SLX4IP: variants seen among roughly 807,000 people sequenced by gnomAD.
The protein encoded by SLX4IP is SLX4 interacting protein.
In SLX4IP, 34 loss-of-function variants were observed where a neutral mutation model predicts 32.9. The observed-to-expected ratio is 1.03, with a 90% CI of 0.79 to 1.38. The LOEUF (loss-of-function observed/expected upper bound fraction) is 1.38, where lower values mean the gene tolerates loss of function less well. Ranked by LOEUF, SLX4IP falls within the 40% of genes most tolerant of loss-of-function variation. The probability of loss-of-function intolerance (pLI) is 0.00; values close to 1 mark genes in which losing one functional copy is unlikely to be tolerated. For missense variants in SLX4IP, 444 were observed against 479.0 expected (o/e 0.93, Z 0.68); for synonymous variants, 172 against 171.7 (o/e 1.00, Z -0.01).
intron 3 of SLX4IP, among the ~76,000 whole-genome samples, chr20:10,557,593 C>G (rs2066280467): frequency 6.6e-6 from 1 of 152,196 alleles, no homozygotes; most frequent in Admixed American, 6.5e-5. Flanking sequence ...AATAGTCACC[C>G]AAGGGGACCT....
intron 2 of SLX4IP, among the ~76,000 whole-genome samples, chr20:10,512,676 GTATA>G (rs1012351244): frequency 2.2e-5 from 3 of 137,276 alleles, no homozygotes; most frequent in South Asian, 2.2e-4. Context: ...TATATATTGT[GTATA>G]TATATTTTAT....
chr20:10,482,420 T>C (rs1378509039), intron 2 of SLX4IP, among the ~76,000 whole-genome samples: 9 of 152,242 alleles, frequency 5.9e-5, no homozygotes, highest in African/African-American at 2.2e-4. Context: ...CTTCCCTCTT[T>C]ATCTGAGGCC....
chr20:10,437,712 G>A (rs926313227), intron 1 of SLX4IP, among the ~76,000 whole-genome samples: 2 of 152,196 alleles, frequency 1.3e-5, no homozygotes, highest in African/African-American at 4.8e-5. Context: ...GTTTCATGTG[G>A]TGTTGCCAAT....
At chr20:10,454,680 T>G (rs2065270384) in intron 1 of SLX4IP, among the ~76,000 whole-genome samples, 1 of 152,252 alleles carries the variant, frequency 6.6e-6, no homozygotes, top group Admixed American at 6.5e-5. Context: ...TGTTTCCATT[T>G]TTTGACTATT....
chr20:10,584,087 T>G (rs1029613611), intron 4 of SLX4IP, among the ~76,000 whole-genome samples: 3 of 152,176 alleles, frequency 2.0e-5, no homozygotes, highest in African/African-American at 7.2e-5. Flanking sequence ...TAAGGACTTG[T>G]ATAATAGAAG....
chr20:10,591,155 C>T (rs1402420329), intron 4 of SLX4IP, among the ~76,000 whole-genome samples: 1 of 152,196 alleles, frequency 6.6e-6, no homozygotes, highest in Non-Finnish European at 1.5e-5. Flanking sequence ...TCTTACCCCT[C>T]AGGCATTAAG....
rs148470284 is a variant in SLX4IP, at chr20:10,613,283, G to A, written c.406-8031G>A. 3.2e-4 allele frequency: 215 copies of A among 666,828 alleles called. 1 individual carries two copies. The East Asian group carries it at 5.4e-3, about 17-fold the overall frequency. 41.3% of individuals were successfully genotyped at this position (666,828 alleles called of 1,614,324 possible). On this transcript the variant is annotated intron_variant, in intron 6 of 7. Coordinates refer to ENST00000334534, the MANE Select transcript of SLX4IP (RefSeq NM_001009608.3). ...CTAGGAAATACTAAGATCAGGTTGA[G>A]AGATTCTGCTTGGTCTAGTCAATCT...
chr20:10,621,894 C>G (rs2067115829), intron 7 of SLX4IP, among the ~76,000 whole-genome samples: 1 of 152,146 alleles, frequency 6.6e-6, no homozygotes, highest in Non-Finnish European at 1.5e-5. Flanking sequence ...CATTCACAAA[C>G]CTGTAAATAT....
At chr20:10,566,527 C>T (rs1037461145) in intron 4 of SLX4IP, among the ~76,000 whole-genome samples, 1 of 152,040 alleles carries the variant, frequency 6.6e-6, no homozygotes, top group African/African-American at 2.4e-5. Context: ...CTGAGGTGGT[C>T]ACCTCGCTTT....
At chr20:10,453,627 A>G (rs554466509) in intron 1 of SLX4IP, among the ~76,000 whole-genome samples, 2 of 152,140 alleles carry the variant, frequency 1.3e-5, no homozygotes, top group South Asian at 2.1e-4. Context: ...GTTGGAAACA[A>G]TTTTCTTCAG....
intron 4 of SLX4IP, among the ~76,000 whole-genome samples, chr20:10,594,273 G>A (rs2066745056): frequency 6.6e-6 from 1 of 152,182 alleles, no homozygotes; most frequent in African/African-American, 2.4e-5. Flanking sequence ...GAGGGGCATC[G>A]TAGGTCTTCC....
intron 3 of SLX4IP, among the ~76,000 whole-genome samples, chr20:10,560,484 A>T (rs1262535046): frequency 6.6e-6 from 1 of 152,216 alleles, no homozygotes; most frequent in Non-Finnish European, 1.5e-5. Context: ...ACTTTCCCAG[A>T]TCACACAGTG....
intron 2 of SLX4IP, among the ~76,000 whole-genome samples, chr20:10,538,833 G>C (rs2066074228): frequency 1.3e-5 from 2 of 152,098 alleles, no homozygotes; most frequent in African/African-American, 4.8e-5. Context: ...GACCTTCTTT[G>C]GCTGTATTAT....
intron 2 of SLX4IP, among the ~76,000 whole-genome samples, chr20:10,502,290 C>G (rs1291386731): frequency 1.3e-5 from 2 of 152,154 alleles, no homozygotes; most frequent in Non-Finnish European, 2.9e-5. Flanking sequence ...ACTACCTGGT[C>G]TCTGTGCCCT....
At chr20:10,551,743 G>T (rs2066220042) in intron 2 of SLX4IP, among the ~76,000 whole-genome samples, 1 of 152,202 alleles carries the variant, frequency 6.6e-6, no homozygotes, top group Non-Finnish European at 1.5e-5. Flanking sequence ...GTTCGAGGAT[G>T]CATAGGATCT....
intron 2 of SLX4IP, among the ~76,000 whole-genome samples, chr20:10,477,793 C>A (rs1226794181): frequency 4.6e-5 from 7 of 152,150 alleles, no homozygotes; most frequent in African/African-American, 1.7e-4. Flanking sequence ...GGAAACATAT[C>A]TATTTTAAGA....
At chr20:10,522,981 C>A (rs1251525280) in intron 2 of SLX4IP, among the ~76,000 whole-genome samples, 16 of 152,200 alleles carry the variant, frequency 1.1e-4, no homozygotes. Context: ...AAGCCCTGAT[C>A]ATCCTGCAGT....
At chr20:10,559,824 AATTAT>A (rs2066310823) in intron 3 of SLX4IP, among the ~76,000 whole-genome samples, 1 of 152,234 alleles carries the variant, frequency 6.6e-6, no homozygotes, top group Non-Finnish European at 1.5e-5. Flanking sequence ...ACTTTAGAGA[AATTAT>A]ATTATTTTCA....
chr20:10,557,586 A>G (rs943393323), intron 3 of SLX4IP, among the ~76,000 whole-genome samples: 6 of 152,240 alleles, frequency 3.9e-5, no homozygotes, highest in African/African-American at 1.4e-4. Flanking sequence ...AGTGACCAAT[A>G]GTCACCCAAG....
Sources: gnomAD v4.1 joint callset for allele counts (sites outside exome capture counted in the v4.1 genomes callset) on GRCh38, gnomAD v4.1.1 for gene constraint, MANE v1.5 for transcripts, NCBI Gene and HGNC (gene_info 2026-07-23, HGNC 2026-07-21) for gene names.